The following ABI3BP variants were observed in gnomAD, a reference collection of about 807,000 sequenced individuals.
ABI3BP encodes target of Nesh-SH3.
ABI3BP carries 216 observed loss-of-function variants against 268.6 expected under a neutral mutation model. The observed-to-expected ratio is 0.80, with a 90% CI of 0.72 to 0.90. ABI3BP has a LOEUF of 0.90. Among genes scored for constraint, ABI3BP ranks in the 40% least tolerant of loss-of-function variants. ABI3BP has a pLI of 0.00. For synonymous variants in ABI3BP, 730 were observed against 730.0 expected, an observed-to-expected ratio of 1.00 and a Z score of 0.00; for missense variants, 2,090 against 2,182.4, an observed-to-expected ratio of 0.96 and a Z score of 0.84.
At position 100,828,446 on chromosome 3, in the gene ABI3BP, G is replaced by C; in HGVS notation, c.2549C>G (p.Ala850Gly). The stretch of plus-strand genomic sequence containing the variant: ...AGGAGAAACTGGTTCAAAGATTGTA[G>C]CAGGAACTGGCCAAAAATAATAAAA... ...PEELQTELVP[A>G]TIFEPVSPIK... Residue 850 changes from alanine (A) to glycine (G), a missense_variant, in exon 34 of 68, where the codon GCT becomes GGT. Physicochemically the swap from Ala to Gly is moderately conservative, Grantham distance 60 (BLOSUM62 0). Coordinates refer to ENST00000471714, the MANE Select transcript of ABI3BP (RefSeq NM_001375547.2). 6.5e-7 allele frequency: 1 copy of C among 1,534,462 alleles called. No homozygotes were observed. Among genetic ancestry groups the C allele is most frequent in the Non-Finnish European group, 8.7e-7 (1 of 1,145,752 alleles).
At chr3:100,894,555 T>C (rs2046242661) in intron 4 of ABI3BP, among the ~76,000 whole-genome samples, 1 of 152,102 alleles carries the variant, frequency 6.6e-6, no homozygotes, top group South Asian at 2.1e-4. Context: ...ACACTGAAGA[T>C]ACTCGCTTCT....
chr3:100,959,734 C>T (rs575345049), intron 1 of ABI3BP, among the ~76,000 whole-genome samples: 1 of 152,030 alleles, frequency 6.6e-6, no homozygotes, highest in African/African-American at 2.4e-5. Flanking sequence ...TCAGTCTTGA[C>T]TTTATAAGAT....
chr3:100,775,494 A>G (rs2096672704), intron 59 of ABI3BP, among the ~76,000 whole-genome samples, 159 bp from the exon 60 acceptor site: 2 of 152,190 alleles, frequency 1.3e-5, no homozygotes, highest in Admixed American at 6.5e-5. Flanking sequence ...TGGTGGAGAT[A>G]GATGTATGAG....
At chr3:100,899,109 G>C (rs1039932849) in intron 3 of ABI3BP, among the ~76,000 whole-genome samples, 1 of 152,116 alleles carries the variant, frequency 6.6e-6, no homozygotes, top group Non-Finnish European at 1.5e-5. Flanking sequence ...ATGCATGTGT[G>C]CATATGCATA....
At position 100,829,746 on chromosome 3, in the gene ABI3BP, G is replaced by C. The variant is rs971890958; in HGVS notation, c.2459-82C>G. 6 of 1,094,680 alleles carry C rather than the reference G, an allele frequency of 5.5e-6. No homozygotes were observed. In the Admixed American group the frequency reaches 1.3e-4, roughly 23 times the overall value. 67.8% of individuals were successfully genotyped at this position (1,094,680 alleles called of 1,614,324 possible). A position where few individuals can be genotyped will look rare whatever the true frequency, so the allele number is the denominator to read the frequency against. On this transcript the variant is annotated intron_variant, in intron 32 of 67. Coordinates refer to ENST00000471714, the MANE Select transcript of ABI3BP (RefSeq NM_001375547.2). ...AAGATTATACTTGTTATAATTTCTT[G>C]ACTTCCAAGAAATGTTTCTTTTGGG... is the stretch of plus-strand genomic sequence containing the variant.
chr3:100,908,753 G>A (rs1247148426), intron 2 of ABI3BP, among the ~76,000 whole-genome samples: 4 of 151,958 alleles, frequency 2.6e-5, no homozygotes, highest in African/African-American at 9.7e-5. Context: ...CAAGGAAATA[G>A]GAGAGGACAC....
intron 9 of ABI3BP, among the ~76,000 whole-genome samples, chr3:100,871,370 G>A (rs1581321026): frequency 6.6e-6 from 1 of 152,142 alleles, no homozygotes; most frequent in Non-Finnish European, 1.5e-5. Flanking sequence ...CATTTGTTGG[G>A]TAGGATTTTC....
intron 4 of ABI3BP, among the ~76,000 whole-genome samples, chr3:100,895,080 T>C (rs1041366577): frequency 6.7e-6 from 1 of 150,034 alleles, no homozygotes; most frequent in Non-Finnish European, 1.5e-5. Context: ...AATCTTGAAA[T>C]CTTTAACAAG....
chr3:100,848,944 A>G, intron 17 of ABI3BP, 69 bp from the exon 18 acceptor site: 1 of 1,364,344 alleles, frequency 7.3e-7, no homozygotes. Flanking sequence ...GTGCCTGTAA[A>G]TTTGCAAACT....
Position 100,840,865 on chromosome 3 carries a change from C to A in ABI3BP, c.1766-7G>T, listed in dbSNP as rs746986438. 2 of 1,531,822 alleles carry A rather than the reference C, an allele frequency of 1.3e-6. No individual in the cohort carries two copies. Among genetic ancestry groups the A allele is most frequent in the African/African-American group, 2.7e-5 (2 of 72,768 alleles). The allele number at this position is 1,531,822 out of a possible 1,614,324, so 94.9% of individuals were successfully genotyped here. The stretch of plus-strand genomic sequence containing the variant: ...GTTCCTGGTGTTTCAGGTCCTAAGA[C>A]AATGTGAAAAAATCACCAAGAAAGA... On this transcript the variant is annotated splice_region_variant and splice_polypyrimidine_tract_variant and intron_variant, in intron 21 of 67. Coordinates refer to ENST00000471714, the MANE Select transcript of ABI3BP (RefSeq NM_001375547.2).
chr3:100,872,659 A>G (rs1466529792), intron 9 of ABI3BP, among the ~76,000 whole-genome samples: 1 of 152,192 alleles, frequency 6.6e-6, no homozygotes, highest in Admixed American at 6.5e-5. Context: ...CTGGGCAGAG[A>G]ACAGGTTAAT....
intron 1 of ABI3BP, among the ~76,000 whole-genome samples, chr3:100,983,440 C>T (rs996852158): frequency 9.9e-5 from 15 of 152,180 alleles, no homozygotes; most frequent in African/African-American, 3.4e-4. Flanking sequence ...TACTTAACTC[C>T]TATATTTTGC....
chr3:100,989,602 ACT>A (rs1311738559), intron 1 of ABI3BP, among the ~76,000 whole-genome samples: 1 of 152,078 alleles, frequency 6.6e-6, no homozygotes, highest in African/African-American at 2.4e-5. Flanking sequence ...ATCAGATTAC[ACT>A]TGTATCTTGG....
At chr3:100,872,666 T>C (rs1173772802) in intron 9 of ABI3BP, among the ~76,000 whole-genome samples, 1 of 152,196 alleles carries the variant, frequency 6.6e-6, no homozygotes, top group African/African-American at 2.4e-5. Context: ...GAGAACAGGT[T>C]AATGTAAGAG....
Position 100,940,273 on chromosome 3 carries a change from C to T in ABI3BP, c.80-13792G>A, listed in dbSNP as rs912822076. ...TGATTGGGGAAGTGATAAGTGTCCACGAAATCTTCACAATTTATGTTTAGA... is the reference window on the plus strand; with the variant it reads ...TGATTGGGGAAGTGATAAGTGTCCATGAAATCTTCACAATTTATGTTTAGA... On this transcript the variant is annotated intron_variant, in intron 1 of 67. Transcript: ENST00000471714. 6.6e-5 allele frequency among the ~76,000 whole-genome samples: 10 copies of T among 151,912 alleles called. No homozygotes were observed. The South Asian group carries it at 8.3e-4, about 13-fold the overall frequency.
At chr3:100,802,322 G>A (rs917841294) in intron 51 of ABI3BP, among the ~76,000 whole-genome samples, 4 of 152,164 alleles carry the variant, frequency 2.6e-5, no homozygotes, top group African/African-American at 9.7e-5. Flanking sequence ...CCCAATGCCT[G>A]GGGGTCAGAA....
chr3:100,988,405 TC>T (rs1417937944), intron 1 of ABI3BP, among the ~76,000 whole-genome samples: 1 of 152,184 alleles, frequency 6.6e-6, no homozygotes, highest in East Asian at 1.9e-4. Flanking sequence ...ATGGTTTTTT[TC>T]AGTCTAGGCT....
rs139445034 is a variant in ABI3BP, at chr3:100,801,805, G to A, written c.3757+2987C>T. The stretch of plus-strand genomic sequence containing the variant: ...TAATGAAACATTGTAGAATTGTAAT[G>A]ATAACAGTATGATCTTAAGGAGGCA... On this transcript the variant is annotated intron_variant, in intron 51 of 67. Transcript: ENST00000471714. 2.0e-4 allele frequency among the ~76,000 whole-genome samples: 30 copies of A among 152,296 alleles called. No homozygotes were observed. In the East Asian group the frequency reaches 5.8e-3, roughly 29 times the overall value.
Position 100,896,573 on chromosome 3 carries a change from G to A in ABI3BP, c.461+2189C>T, listed in dbSNP as rs143262785. ...GCAAGTTGAGTAACCCTTAAAATTG[G>A]GTTGCATTTTGCTGTAAGACTACAA... On this transcript the variant is annotated intron_variant, in intron 4 of 67. Coordinates refer to ENST00000471714, the MANE Select transcript of ABI3BP (RefSeq NM_001375547.2). Among the ~76,000 whole-genome samples the A allele has an allele frequency of 4.2e-3, 642 of 152,006 alleles. 3 individuals are homozygous for A. Among genetic ancestry groups the A allele is most frequent in the African/African-American group, 0.014 (596 of 41,440 alleles).
Sources: allele counts gnomAD v4.1 joint callset (sites outside exome capture counted in the v4.1 genomes callset), GRCh38; gene constraint gnomAD v4.1.1; transcripts MANE v1.5; gene names NCBI Gene and HGNC (gene_info 2026-07-23, HGNC 2026-07-21).